The following TPST1 variants were observed in gnomAD, a reference collection of about 807,000 sequenced individuals.
The protein encoded by TPST1 is protein-tyrosine sulfotransferase 1.
In TPST1, 20 loss-of-function variants were observed where a neutral mutation model predicts 34.8. The observed-to-expected ratio is 0.57, with a 90% CI of 0.40 to 0.84. The LOEUF is 0.84. TPST1 is among the 40% of genes least tolerant of loss of function. The probability of loss-of-function intolerance (pLI) is 0.00; values close to 1 mark genes in which losing one functional copy is unlikely to be tolerated. For missense variants in TPST1, 353 were observed against 455.5 expected (o/e 0.78, Z 2.05); for synonymous variants, 152 against 159.4 (o/e 0.95, Z 0.35).
chr7:66,247,808 G>A (rs917194577), intron 2 of TPST1, among the ~76,000 whole-genome samples: 1 of 152,088 alleles, frequency 6.6e-6, no homozygotes, highest in African/African-American at 2.4e-5. Flanking sequence ...AAGGGAAGAG[G>A]TAGTATGGAG....
chr7:66,347,182 C>G (rs1355841617), intron 3 of TPST1, among the ~76,000 whole-genome samples: 2 of 142,308 alleles, frequency 1.4e-5, no homozygotes, highest in Non-Finnish European at 3.0e-5. Context: ...ATTCTAATGC[C>G]TCAGCCTCCT....
intron 1 of TPST1, among the ~76,000 whole-genome samples, chr7:66,228,843 C>T (rs1471750503): frequency 6.6e-6 from 1 of 152,146 alleles, no homozygotes; most frequent in East Asian, 1.9e-4. Context: ...TTGGTTCTCT[C>T]CTGCCATCTG....
At chr7:66,294,868 T>G (rs1367689654) in intron 3 of TPST1, among the ~76,000 whole-genome samples, 1 of 152,182 alleles carries the variant, frequency 6.6e-6, no homozygotes, top group Admixed American at 6.5e-5. Context: ...CCTTTTAATA[T>G]TCACGAGCAT....
chr7:66,327,972 TTTTTGGTG>T (rs1393419649), intron 3 of TPST1, among the ~76,000 whole-genome samples: 1 of 150,442 alleles, frequency 6.6e-6, no homozygotes, highest in African/African-American at 2.4e-5. Flanking sequence ...CTTTGTTGTG[TTTTTGGTG>T]TTTTTTTTTC....
chr7:66,323,098 A>AT, intron 3 of TPST1, among the ~76,000 whole-genome samples: 1 of 152,022 alleles, frequency 6.6e-6, no homozygotes, highest in South Asian at 2.1e-4. Flanking sequence ...TTTTAATTGG[A>AT]TTTTTTGATT....
chr7:66,358,902 C>T (rs1050210852), intron 5 of TPST1: 2 of 152,304 alleles, frequency 1.3e-5, no homozygotes, highest in African/African-American at 4.8e-5. Context: ...GCATTTCACC[C>T]TGGCTTGTGT....
In TPST1 at chr7:66,359,983, G is replaced by A. The variant is rs763736835; in HGVS notation, c.*118G>A. On this transcript the variant is annotated 3_prime_UTR_variant, in exon 6 of 6. Transcript: ENST00000304842. ...GGTGGAGCGTCTGCACCTTGGCTGC[G>A]CCGCCTGTGCATTTGCCAGTTTCCT... 1.1e-5 allele frequency: 5 copies of A among 456,568 alleles called. No individual in the cohort carries two copies. Among genetic ancestry groups the A allele is most frequent in the Admixed American group, 7.0e-5 (3 of 42,576 alleles). 28.3% of individuals were successfully genotyped at this position (456,568 alleles called of 1,614,324 possible).
chr7:66,329,313 A>G (rs1562847538), intron 3 of TPST1, among the ~76,000 whole-genome samples: 2 of 152,050 alleles, frequency 1.3e-5, no homozygotes, highest in Non-Finnish European at 1.5e-5. Context: ...CCAATTTTTT[A>G]TAGAGAAACC....
chr7:66,233,955 A>G (rs922361668), intron 1 of TPST1, among the ~76,000 whole-genome samples: 1 of 152,122 alleles, frequency 6.6e-6, no homozygotes, highest in African/African-American at 2.4e-5. Context: ...TTCGTCTTCC[A>G]GATTCAAACA....
intron 2 of TPST1, among the ~76,000 whole-genome samples, chr7:66,251,460 C>T (rs922414088): frequency 6.6e-6 from 1 of 152,150 alleles, no homozygotes; most frequent in Non-Finnish European, 1.5e-5. Context: ...GTGTGAAACA[C>T]CTAGGTTAGT....
intron 2 of TPST1, among the ~76,000 whole-genome samples, chr7:66,259,846 A>G (rs1022518850): frequency 3.3e-5 from 5 of 152,180 alleles, no homozygotes; most frequent in African/African-American, 7.2e-5. Context: ...ATACTACCAT[A>G]TATCTACCAT....
At chr7:66,226,323 T>C (rs1292805152) in intron 1 of TPST1, among the ~76,000 whole-genome samples, 5 of 152,136 alleles carry the variant, frequency 3.3e-5, no homozygotes, top group Non-Finnish European at 2.9e-5. Context: ...AAAATATATA[T>C]GATTTGATGA....
At chr7:66,236,399 CAT>C (rs1329618569) in intron 1 of TPST1, among the ~76,000 whole-genome samples, 18 of 151,932 alleles carry the variant, frequency 1.2e-4, no homozygotes, top group Admixed American at 1.2e-3. Flanking sequence ...ATGTTGCTCT[CAT>C]ATATATATGT....
chr7:66,350,720 C>T (rs964384019), intron 3 of TPST1, among the ~76,000 whole-genome samples: 2 of 152,140 alleles, frequency 1.3e-5, no homozygotes, highest in Admixed American at 1.3e-4. Flanking sequence ...AGTAACTGTC[C>T]TTCCAATAAC....
At chr7:66,311,094 G>C (rs1251486834) in intron 3 of TPST1, among the ~76,000 whole-genome samples, 1 of 151,668 alleles carries the variant, frequency 6.6e-6, no homozygotes, top group Non-Finnish European at 1.5e-5. Context: ...TCCTCAACTT[G>C]GCAGGATTTT....
chr7:66,358,932 A>C (rs1011687140), intron 5 of TPST1: 2 of 152,270 alleles, frequency 1.3e-5, no homozygotes, highest in African/African-American at 4.8e-5. Context: ...GGGAGGGGCC[A>C]ACCTGTGCTG....
chr7:66,228,383 G>A (rs1229474518), intron 1 of TPST1, among the ~76,000 whole-genome samples: 2 of 152,150 alleles, frequency 1.3e-5, no homozygotes, highest in East Asian at 3.8e-4. Context: ...TTTATTACCT[G>A]TTGCATTCTG....
chr7:66,240,639 A>G lies in TPST1; in HGVS notation c.214A>G (p.Ile72Val), dbSNP rs763920809. ...TFAYHKDMPL[I>V]FIGGVPRSGT... The stretch of plus-strand genomic sequence containing the variant: ...TGCCTATCACAAAGATATGCCTTTA[A>G]TATTTATTGGAGGTGTGCCTCGGAG... The change falls in exon 2 of 6, where the codon ATA (isoleucine) becomes GTA (valine). Residue 72 changes from isoleucine to valine, a missense_variant. Coordinates refer to ENST00000304842, the MANE Select transcript of TPST1 (RefSeq NM_003596.4). 4 of 1,614,078 alleles carry G rather than the reference A, an allele frequency of 2.5e-6. No homozygotes were observed. In the African/African-American group the frequency reaches 4.0e-5, roughly 16 times the overall value.
chr7:66,293,626 TCTA>T (rs1791132948), intron 3 of TPST1, among the ~76,000 whole-genome samples: 1 of 152,240 alleles, frequency 6.6e-6, no homozygotes, highest in East Asian at 1.9e-4. Flanking sequence ...TTGCTCAGTT[TCTA>T]GGAATGATAC....
Sources: allele counts gnomAD v4.1 joint callset (sites outside exome capture counted in the v4.1 genomes callset), GRCh38; gene constraint gnomAD v4.1.1; transcripts MANE v1.5; gene names NCBI Gene and HGNC (gene_info 2026-07-23, HGNC 2026-07-21).